CFAP52: variants seen among roughly 807,000 people sequenced by gnomAD.
CFAP52 encodes cilia and flagella associated protein 52.
A neutral mutation model predicts 70.5 loss-of-function variants in CFAP52; 57 were observed. That is an observed-to-expected ratio of 0.81 (90% CI 0.65 to 1.01). The LOEUF (loss-of-function observed/expected upper bound fraction) is 1.01, where lower values mean the gene tolerates loss of function less well. Among genes scored for constraint, CFAP52 ranks in the 50% least tolerant of loss-of-function variants. CFAP52 has a pLI of 0.00. For synonymous variants in CFAP52, 267 were observed against 292.5 expected (o/e 0.91, Z 0.89); for missense variants, 785 against 788.5 (o/e 1.00, Z 0.05).
rs778270536 is a variant in CFAP52 at position 9,576,658 on chromosome 17, A to C, written c.-38A>C. On this transcript the variant is annotated 5_prime_UTR_variant, in exon 1 of 14. Coordinates refer to ENST00000352665, the MANE Select transcript of CFAP52 (RefSeq NM_145054.5). ...ATAACGACCAGAAGACGCTGCAGCC[A>C]CTAGGGAGGAGAGCAAAGTAATCAG... is the stretch of plus-strand genomic sequence containing the variant. 9.5e-6 allele frequency: 15 copies of C among 1,571,732 alleles called. 1 individual carries two copies. The highest frequency in any genetic ancestry group is 1.7e-4 in the Middle Eastern group (1 of 5,928).
intron 8 of CFAP52, among the ~76,000 whole-genome samples, chr17:9,613,222 G>C (rs1290916024): frequency 6.6e-6 from 1 of 150,550 alleles, no homozygotes; most frequent in Non-Finnish European, 1.5e-5. Flanking sequence ...TATTACGAGG[G>C]CTTCTGGATC....
At chr17:9,588,301 G>A (rs1908589019) in intron 3 of CFAP52, among the ~76,000 whole-genome samples, 1 of 152,184 alleles carries the variant, frequency 6.6e-6, no homozygotes, top group Admixed American at 6.5e-5. Context: ...CCCAGAGAAA[G>A]AGAGAGAGCC....
rs1473831778 is a variant in CFAP52, at chr17:9,631,032, G to GAA, written c.1175-1855_1175-1854insAA. On this transcript the variant is annotated intron_variant, in intron 9 of 13. Transcript: ENST00000352665. The stretch of plus-strand genomic sequence containing the variant: ...AAAGAAAGAAAGAAAGAAAGAAAGA[G>GAA]AGAGAGAGAGAGAGAGAGAGAGAAA... 1.6e-3 allele frequency among the ~76,000 whole-genome samples: 75 copies of GAA among 46,792 alleles called. 1 individual carries two copies. Among genetic ancestry groups the GAA allele is most frequent in the African/African-American group, 6.3e-3 (66 of 10,424 alleles). 30.7% of individuals were successfully genotyped at this position (46,792 alleles called of 152,430 possible). A position where few individuals can be genotyped will look rare whatever the true frequency, so the allele number is the denominator to read the frequency against.
intron 7 of CFAP52, among the ~76,000 whole-genome samples, chr17:9,609,912 G>A (rs1292476829): frequency 1.3e-5 from 2 of 151,958 alleles, no homozygotes; most frequent in Non-Finnish European, 2.9e-5. Flanking sequence ...GAGAATGCTG[G>A]GAGCAGCATT....
intron 1 of CFAP52, chr17:9,584,150 G>T: frequency 8.4e-7 from 1 of 1,186,426 alleles, no homozygotes; most frequent in South Asian, 1.6e-5. Flanking sequence ...CAGAGTTGTT[G>T]GTCATTGTAT....
Position 9,636,915 on chromosome 17 carries a change from C to T in CFAP52, c.1472+1359C>T, listed in dbSNP as rs1024933888. On this transcript the variant is annotated intron_variant, in intron 11 of 13. Transcript: ENST00000352665. ...CAAAAAGTAGCTGGGCGTGGTGGCG[C>T]GTGCCTGTTATCCCAGCTACTCAGG... Among the ~76,000 whole-genome samples the T allele has an allele frequency of 3.3e-5, 5 of 152,002 alleles. No homozygotes were observed. The South Asian group carries it at 6.2e-4, about 19-fold the overall frequency.
Position 9,632,913 on chromosome 17 carries a change from C to T in CFAP52, c.1200C>T (p.Ala400=), listed in dbSNP as rs1011895168. 5 of 1,614,046 alleles carry T rather than the reference C, an allele frequency of 3.1e-6. No individual in the cohort carries two copies. Among genetic ancestry groups the T allele is most frequent in the Non-Finnish European group, 4.2e-6 (5 of 1,180,034 alleles). Residue 400 remains alanine (A), a synonymous_variant, in exon 10 of 14, where the codon GCC becomes GCT. Coordinates refer to ENST00000352665, the MANE Select transcript of CFAP52 (RefSeq NM_145054.5). Reference sequence around the variant, plus strand: ...CATGGAACGACGGTAAAATCCGAGCCTTCGCCCCAGAGACAGGCCGACTGA... The same window carrying T: ...CATGGAACGACGGTAAAATCCGAGCTTTCGCCCCAGAGACAGGCCGACTGA... ...ISAWNDGKIR[A]FAPETGRLMY...
chr17:9,579,579 T>C (rs1908119331), intron 1 of CFAP52, among the ~76,000 whole-genome samples: 1 of 152,222 alleles, frequency 6.6e-6, no homozygotes, highest in South Asian at 2.1e-4. Flanking sequence ...ACTTGAATTT[T>C]GTTTTTGAGA....
At chr17:9,580,775 A>G (rs1416578929) in intron 1 of CFAP52, among the ~76,000 whole-genome samples, 2 of 151,828 alleles carry the variant, frequency 1.3e-5, no homozygotes, top group Non-Finnish European at 2.9e-5. Flanking sequence ...AAAGGGTAAT[A>G]TAATAAGGTG....
intron 7 of CFAP52, among the ~76,000 whole-genome samples, chr17:9,611,245 CTT>C (rs34854955): frequency 6.0e-5 from 9 of 150,630 alleles, no homozygotes; most frequent in Non-Finnish European, 7.4e-5. Flanking sequence ...CATGTATATA[CTT>C]TTTTTTTTTA....
chr17:9,631,033 AGAGAGAGAGAG>A (rs1910483924), intron 9 of CFAP52, among the ~76,000 whole-genome samples: 20 of 66,602 alleles, frequency 3.0e-4, no homozygotes, highest in Non-Finnish European at 3.7e-4. Context: ...AAAGAAAGAG[AGAGAGAGAGAG>A]AGAGAGAGAG....
chr17:9,576,785 T>C lies in CFAP52; in HGVS notation c.70+20T>C. On this transcript the variant is annotated intron_variant, in intron 1 of 13. Transcript: ENST00000352665. ...TCAATGGTGAGGCCTCCAGCATCTT[T>C]GGGCTGGCTGGTTTAGGAATTCGGA... is the stretch of plus-strand genomic sequence containing the variant. 1 of 1,605,244 alleles carries C rather than the reference T, an allele frequency of 6.2e-7. No homozygotes were observed. Among genetic ancestry groups the C allele is most frequent in the African/African-American group, 1.3e-5 (1 of 74,650 alleles).
At chr17:9,602,222 AC>A (rs1467022911) in intron 6 of CFAP52, among the ~76,000 whole-genome samples, 1 of 152,046 alleles carries the variant, frequency 6.6e-6, no homozygotes, top group African/African-American at 2.4e-5. Flanking sequence ...GGTTTGCTGC[AC>A]CCATTAACCC....
intron 8 of CFAP52, among the ~76,000 whole-genome samples, chr17:9,615,316 T>G (rs942688366): frequency 6.6e-6 from 1 of 152,240 alleles, no homozygotes; most frequent in Admixed American, 6.5e-5. Context: ...ACCAATTGCA[T>G]ATGAGCTAAT....
intron 10 of CFAP52, among the ~76,000 whole-genome samples, chr17:9,634,360 A>T (rs924445687): frequency 6.6e-6 from 1 of 152,186 alleles, no homozygotes; most frequent in Non-Finnish European, 1.5e-5. Flanking sequence ...TTAAAGGAAT[A>T]CTGGCTGGGC....
In CFAP52 at chr17:9,612,418, T is replaced by C. The variant is rs774221667; in HGVS notation, c.964T>C (p.Phe322Leu). 2 of 1,614,226 alleles carry C rather than the reference T, an allele frequency of 1.2e-6. No homozygotes were observed. Among genetic ancestry groups the C allele is most frequent in the East Asian group, 4.5e-5 (2 of 44,882 alleles). The change falls in exon 8 of 14, where the codon TTC becomes CTC. Residue 322 changes from phenylalanine to leucine, a missense_variant. Phe to Leu is a conservative substitution (Grantham distance 22). Coordinates refer to ENST00000352665, the MANE Select transcript of CFAP52 (RefSeq NM_145054.5). ...CATTTATCGTGTCAGCTTCACGGAT[T>C]TCAAAGAGACGCTCATAGCGACTTG... is the stretch of plus-strand genomic sequence containing the variant. ...SHIYRVSFTDFKETLIATCHF... is the reference protein window; with the variant it reads ...SHIYRVSFTDLKETLIATCHF...
At chr17:9,615,473 G>A (rs1001693383) in intron 8 of CFAP52, among the ~76,000 whole-genome samples, 3 of 152,010 alleles carry the variant, frequency 2.0e-5, no homozygotes, top group Non-Finnish European at 4.4e-5. Flanking sequence ...TATCTGATAA[G>A]TTTATATATT....
intron 9 of CFAP52, among the ~76,000 whole-genome samples, chr17:9,631,024 AAGAAAGAG>A (rs1391705225): frequency 1.0e-4 from 3 of 30,078 alleles, no homozygotes; most frequent in East Asian, 1.9e-3. Context: ...GAAAGAAAGA[AAGAAAGAG>A]AGAGAGAGAG....
chr17:9,586,824 G>C lies in CFAP52; in HGVS notation c.397G>C (p.Asp133His), dbSNP rs772801131. 18 of 1,602,968 alleles carry C rather than the reference G, an allele frequency of 1.1e-5. No individual in the cohort carries two copies. The East Asian group carries it at 4.0e-4, about 36-fold the overall frequency. ...DLYLVSLGGP[D>H]DGSVVVWSIA... is the part of the protein sequence containing the mutation. ...GTACTTGGTATCACTAGGAGGCCCA[G>C]ATGACGGAAGGTAATGAACTAAACA... The change falls in exon 3 of 14, where the codon GAT (aspartate) becomes CAT (histidine). Residue 133 changes from aspartate to histidine, a missense_variant. Physicochemically the swap from Asp to His is moderately conservative, Grantham distance 81. Coordinates refer to ENST00000352665, the MANE Select transcript of CFAP52 (RefSeq NM_145054.5).
Sources: allele counts gnomAD v4.1 joint callset (sites outside exome capture counted in the v4.1 genomes callset), GRCh38; gene constraint gnomAD v4.1.1; transcripts MANE v1.5; gene names NCBI Gene and HGNC (gene_info 2026-07-23, HGNC 2026-07-21).